Variants in TMEM132C observed in about 807,000 individuals in gnomAD.
TMEM132C encodes the protein protein phosphatase 1, regulatory subunit 152.
In TMEM132C, 29 loss-of-function variants were observed where a neutral mutation model predicts 61.4. The observed-to-expected ratio is 0.47, with a 90% CI of 0.35 to 0.64. The LOEUF is 0.64. Ranked by LOEUF, TMEM132C falls within the 30% of genes least tolerant of loss-of-function variation. The probability of loss-of-function intolerance (pLI) is 0.00; values close to 1 mark genes in which losing one functional copy is unlikely to be tolerated. For synonymous variants in TMEM132C, 656 were observed against 633.1 expected, an observed-to-expected ratio of 1.04 and a Z score of -0.54; for missense variants, 1,408 against 1,476.9, an observed-to-expected ratio of 0.95 and a Z score of 0.76.
chr12:128,626,050 T>C (rs1954012091), intron 4 of TMEM132C, among the ~76,000 whole-genome samples: 1 of 152,156 alleles, frequency 6.6e-6, no homozygotes, highest in African/African-American at 2.4e-5. Context: ...TCTTATTACT[T>C]AATTCAGTAA....
At chr12:128,559,885 T>C (rs1874454127) in intron 3 of TMEM132C, among the ~76,000 whole-genome samples, 1 of 152,202 alleles carries the variant, frequency 6.6e-6, no homozygotes, top group South Asian at 2.1e-4. Context: ...ACCTGGGCTC[T>C]CTAGTTCCAC....
chr12:128,331,828 T>G (rs976089573), intron 1 of TMEM132C, among the ~76,000 whole-genome samples: 3 of 152,248 alleles, frequency 2.0e-5, no homozygotes, highest in Non-Finnish European at 4.4e-5. Context: ...CTATTTTTAG[T>G]TCTTTGAGAA....
chr12:128,373,535 G>T (rs2135983486), intron 1 of TMEM132C, among the ~76,000 whole-genome samples: 1 of 152,308 alleles, frequency 6.6e-6, no homozygotes, highest in South Asian at 2.1e-4. Context: ...CCAAAGGAAA[G>T]GTGATGATTG....
Position 128,559,073 on chromosome 12 carries a change from C to T in TMEM132C, c.1121+14970C>T, listed in dbSNP as rs145863924. 3.2e-3 allele frequency among the ~76,000 whole-genome samples: 476 copies of T among 151,060 alleles called. 3 individuals are homozygous for T. Among genetic ancestry groups the T allele is most frequent in the Middle Eastern group, 0.014 (4 of 294 alleles). On this transcript the variant is annotated intron_variant, in intron 3 of 8. Transcript: ENST00000435159. ...ATTTGCAGTTTAACACATACCTTTCCGAAAATATTTCATGCATATGCAAAC... is the reference window on the plus strand; with the variant it reads ...ATTTGCAGTTTAACACATACCTTTCTGAAAATATTTCATGCATATGCAAAC...
Position 128,616,347 on chromosome 12 carries a change from G to T in TMEM132C, c.1305+12G>T, listed in dbSNP as rs1483719134. 1 of 1,547,550 alleles carries T rather than the reference G, an allele frequency of 6.5e-7. No homozygotes were observed. The highest frequency in any genetic ancestry group is 1.4e-5 in the African/African-American group (1 of 73,068). ...TTCCCTTGGCTATGGTGAGTCCTGA[G>T]TTACCTTGGATGCTCCTGCATTCAG... On this transcript the variant is annotated intron_variant, in intron 4 of 8. Coordinates refer to ENST00000435159, the MANE Select transcript of TMEM132C (RefSeq NM_001136103.3).
intron 3 of TMEM132C, among the ~76,000 whole-genome samples, chr12:128,565,938 G>A (rs539850871): frequency 1.3e-5 from 2 of 151,962 alleles, no homozygotes; most frequent in East Asian, 3.9e-4. Flanking sequence ...CACCCAGGCT[G>A]GAGTACAATG....
At chr12:128,331,306 T>C (rs886643187) in intron 1 of TMEM132C, among the ~76,000 whole-genome samples, 3 of 152,260 alleles carry the variant, frequency 2.0e-5, no homozygotes, top group African/African-American at 7.2e-5. Flanking sequence ...ATTCTAATTG[T>C]TTTAATGTAC....
At chr12:128,431,091 C>G (rs34721812) in intron 2 of TMEM132C, among the ~76,000 whole-genome samples, 1 of 152,208 alleles carries the variant, frequency 6.6e-6, no homozygotes, top group Non-Finnish European at 1.5e-5. Context: ...ACCCAAGTTG[C>G]GAACGCAAAG....
At chr12:128,361,149 C>G (rs1278816495) in intron 1 of TMEM132C, among the ~76,000 whole-genome samples, 1 of 152,216 alleles carries the variant, frequency 6.6e-6, no homozygotes, top group African/African-American at 2.4e-5. Context: ...CTCCGAGGAA[C>G]TCACCTACTC....
chr12:128,634,501 T>A (rs1274950838), intron 4 of TMEM132C, among the ~76,000 whole-genome samples: 1 of 152,270 alleles, frequency 6.6e-6, no homozygotes, highest in Non-Finnish European at 1.5e-5. Flanking sequence ...TAATTCATTA[T>A]GTCTCAAGGG....
At chr12:128,647,185 T>C (rs1298774259) in intron 4 of TMEM132C, among the ~76,000 whole-genome samples, 1 of 150,388 alleles carries the variant, frequency 6.6e-6, no homozygotes, top group Admixed American at 6.6e-5. Context: ...TGAGTGTGTT[T>C]ACTGGAGTCC....
chr12:128,413,874 T>G (rs1392807052), intron 1 of TMEM132C, among the ~76,000 whole-genome samples: 3 of 152,196 alleles, frequency 2.0e-5, no homozygotes, highest in Non-Finnish European at 2.9e-5. Context: ...AAATTTATTA[T>G]TTTTTAAATT....
intron 3 of TMEM132C, among the ~76,000 whole-genome samples, chr12:128,566,232 G>A (rs2136167292): frequency 6.8e-6 from 1 of 146,620 alleles, no homozygotes; most frequent in Admixed American, 6.8e-5. Flanking sequence ...CTGTCTCTGA[G>A]CTTTCAGAGT....
intron 3 of TMEM132C, among the ~76,000 whole-genome samples, chr12:128,580,291 G>A (rs911426907): frequency 1.3e-5 from 2 of 152,106 alleles, no homozygotes; most frequent in Non-Finnish European, 2.9e-5. Flanking sequence ...CGTGGTGGCG[G>A]GCGCCTGTAG....
chr12:128,702,884 G>T (rs7302992), intron 8 of TMEM132C, among the ~76,000 whole-genome samples: 13,268 of 152,202 alleles, frequency 0.087, 980 homozygotes, highest in African/African-American at 0.2. Context: ...GGATGGATGG[G>T]GACAAAGGTC....
intron 1 of TMEM132C, among the ~76,000 whole-genome samples, chr12:128,291,140 G>A (rs1001398045): frequency 6.6e-6 from 1 of 152,146 alleles, no homozygotes; most frequent in Non-Finnish European, 1.5e-5. Flanking sequence ...ATTCTCGAGG[G>A]ACATTCTTAT....
At chr12:128,655,561 A>G (rs1954317514) in intron 4 of TMEM132C, among the ~76,000 whole-genome samples, 1 of 151,750 alleles carries the variant, frequency 6.6e-6, no homozygotes, top group Non-Finnish European at 1.5e-5. Flanking sequence ...TATGCCTTGA[A>G]TTGGGAAAAT....
chr12:128,621,666 A>G (rs934434566), intron 4 of TMEM132C, among the ~76,000 whole-genome samples: 1 of 152,260 alleles, frequency 6.6e-6, no homozygotes, highest in East Asian at 1.9e-4. Context: ...CTGGGACACA[A>G]TGCATCCTCA....
intron 4 of TMEM132C, among the ~76,000 whole-genome samples, chr12:128,666,527 A>G (rs1379398880): frequency 6.6e-6 from 1 of 152,262 alleles, no homozygotes; most frequent in East Asian, 1.9e-4. Context: ...GATAGATGAC[A>G]TAGCCCAACC....
Sources: gnomAD v4.1 joint callset for allele counts (sites outside exome capture counted in the v4.1 genomes callset) on GRCh38, gnomAD v4.1.1 for gene constraint, MANE v1.5 for transcripts, NCBI Gene and HGNC (gene_info 2026-07-23, HGNC 2026-07-21) for gene names.